The following NDRG1 variants were observed in gnomAD, a reference collection of about 807,000 sequenced individuals.
NDRG1 encodes the protein protein NDRG1.
A neutral mutation model predicts 56.9 loss-of-function variants in NDRG1; 32 were observed. The ratio of observed to expected loss-of-function variants is 0.56; its 90% CI spans 0.42 to 0.76. The LOEUF is 0.76. NDRG1 is among the 30% of genes least tolerant of loss of function. The probability of loss-of-function intolerance (pLI) is 0.00; values close to 1 mark genes in which losing one functional copy is unlikely to be tolerated. For missense variants in NDRG1, 507 were observed against 545.7 expected (o/e 0.93, Z 0.71); for synonymous variants, 211 against 204.1 (o/e 1.03, Z -0.29).
Position 133,248,776 on chromosome 8 carries a change from A to G in NDRG1, c.699-5T>C. On this transcript the variant is annotated splice_polypyrimidine_tract_variant and splice_region_variant and intron_variant, in intron 10 of 15. Transcript: ENST00000323851. ...TCAATCTCCAGGTCGCGCCGGCTGC[A>G]GGAAACAAATGCATCATTAGCATGA... 1.9e-6 allele frequency: 3 copies of G among 1,614,184 alleles called. No homozygotes were observed. The highest frequency in any genetic ancestry group is 2.2e-5 in the East Asian group (1 of 44,874).
intron 7 of NDRG1, among the ~76,000 whole-genome samples, chr8:133,257,730 T>C (rs762258460): frequency 4.6e-5 from 7 of 152,226 alleles, no homozygotes; most frequent in Non-Finnish European, 8.8e-5. Context: ...AGACCATTTT[T>C]AATTTGCTGA....
chr8:133,241,927 G>A (rs1248860667), intron 15 of NDRG1, 96 bp downstream of exon 15: 14 of 1,413,986 alleles, frequency 9.9e-6, no homozygotes, highest in Middle Eastern at 1.8e-4. Context: ...TGGCCAGGGG[G>A]ACACAGAATT....
At chr8:133,266,519 G>T (rs565050619) in intron 3 of NDRG1, among the ~76,000 whole-genome samples, 1 of 152,232 alleles carries the variant, frequency 6.6e-6, no homozygotes, top group South Asian at 2.1e-4. Context: ...TTTAAAACAG[G>T]AACAGCCTGG....
At chr8:133,282,909 T>A (rs910646371) in intron 2 of NDRG1, among the ~76,000 whole-genome samples, 1 of 152,240 alleles carries the variant, frequency 6.6e-6, no homozygotes, top group African/African-American at 2.4e-5. Context: ...GTACCAGCTA[T>A]CTGGATGAAC....
chr8:133,256,461 G>C (rs956901727), intron 8 of NDRG1, among the ~76,000 whole-genome samples: 4 of 152,212 alleles, frequency 2.6e-5, no homozygotes, highest in African/African-American at 9.6e-5. Context: ...CTTGACCAAA[G>C]CCTGGCACAA....
In NDRG1 at chr8:133,258,565, G is replaced by A. The variant is rs1046054789; in HGVS notation, c.390-139C>T. 5 of 816,732 alleles carry A rather than the reference G, an allele frequency of 6.1e-6. No homozygotes were observed. The East Asian group carries it at 1.3e-4, about 22-fold the overall frequency. 50.6% of individuals were successfully genotyped at this position (816,732 alleles called of 1,614,324 possible). A position where few individuals can be genotyped will look rare whatever the true frequency, so the allele number is the denominator to read the frequency against. On this transcript the variant is annotated intron_variant, in intron 6 of 15. Transcript: ENST00000323851. The stretch of plus-strand genomic sequence containing the variant: ...CTGCCGTAACTGCCTGCACAGCTCT[G>A]AGGTCACCATGCTTTAGGACTGGAC...
At chr8:133,291,669 G>C (rs138796050) in intron 1 of NDRG1, among the ~76,000 whole-genome samples, 1 of 152,310 alleles carries the variant, frequency 6.6e-6, no homozygotes, top group Non-Finnish European at 1.5e-5. Flanking sequence ...CAAGGAAACA[G>C]TACAAATGTC....
intron 2 of NDRG1, among the ~76,000 whole-genome samples, chr8:133,282,641 T>C (rs898264796): frequency 1.3e-5 from 2 of 152,206 alleles, no homozygotes; most frequent in African/African-American, 4.8e-5. Context: ...TAGTATACAG[T>C]AGGGGTTGGC....
At chr8:133,240,987 C>A (rs1247868605) in intron 15 of NDRG1, 4 of 152,184 alleles carry the variant, frequency 2.6e-5, no homozygotes, top group Non-Finnish European at 5.9e-5. Context: ...GGATGTGGAT[C>A]CTGCCTGAGC....
intron 2 of NDRG1, 49 bp from the exon 3 acceptor site, chr8:133,280,316 G>C (rs372449835): frequency 6.3e-7 from 1 of 1,591,404 alleles, no homozygotes; most frequent in Admixed American, 1.7e-5. Flanking sequence ...TTCTCTGTAA[G>C]AGAAATAATA....
chr8:133,287,753 C>G (rs1008785132), intron 1 of NDRG1, among the ~76,000 whole-genome samples: 1 of 152,206 alleles, frequency 6.6e-6, no homozygotes, highest in Non-Finnish European at 1.5e-5. Context: ...TGGCCTCTGC[C>G]CACCACATGC....
At chr8:133,275,715 G>A (rs542437210) in intron 3 of NDRG1, among the ~76,000 whole-genome samples, 94 of 152,276 alleles carry the variant, frequency 6.2e-4, no homozygotes, top group African/African-American at 2.1e-3. Context: ...TGAGGAATCG[G>A]GATTGGTTTC....
In NDRG1 at chr8:133,237,690, T is replaced by TGGCCCC; in HGVS notation, c.*1187_*1188insGGGGCC. On this transcript the variant is annotated 3_prime_UTR_variant, in exon 16 of 16. Coordinates refer to ENST00000323851, the MANE Select transcript of NDRG1 (RefSeq NM_006096.4). ...CTCAGCCACCGCTCCCCACGTGAGT[T>TGGCCCC]CCCACCCCCACCCCGACAAGAGCAA... The TGGCCCC allele has an allele frequency of 8.7e-6, 2 of 228,714 alleles. No homozygotes were observed. The highest frequency in any genetic ancestry group is 2.2e-5 in the African/African-American group (1 of 44,960). The allele number at this position is 228,714 out of a possible 1,614,324, so 14.2% of individuals were successfully genotyped here. A position where few individuals can be genotyped will look rare whatever the true frequency, so the allele number is the denominator to read the frequency against.
intron 3 of NDRG1, among the ~76,000 whole-genome samples, chr8:133,267,520 C>T (rs936382367): frequency 2.0e-5 from 3 of 152,200 alleles, no homozygotes; most frequent in African/African-American, 7.2e-5. Flanking sequence ...CTTTCCTGCC[C>T]ATAACAGGCA....
intron 13 of NDRG1, among the ~76,000 whole-genome samples, chr8:133,245,664 C>T (rs1855632703): frequency 6.6e-6 from 1 of 152,148 alleles, no homozygotes; most frequent in Non-Finnish European, 1.5e-5. Context: ...GCCCTGCCCA[C>T]ACCTTGATTT....
chr8:133,239,005 CGGCTTCGGGTGCCCTCGCTGG>C lies in NDRG1; in HGVS notation c.1037_1057del (p.Thr346_Arg353delinsSer). ...GCGGGTGCCCTCGCTGGTGTGGGAGCGGCTTCGGGTGCCCTCGCTGGTGTGGGAGCGGCTGCGGGTGCCATC... is the reference window on the plus strand; with the variant it reads ...GCGGGTGCCCTCGCTGGTGTGGGAGCTGTGGGAGCGGCTGCGGGTGCCATC... On this transcript the variant is annotated inframe_deletion, in exon 16 of 16. Transcript: ENST00000323851. 1 of 1,596,484 alleles carries C rather than the reference CGGCTTCGGGTGCCCTCGCTGG, an allele frequency of 6.3e-7. No individual in the cohort carries two copies. The highest frequency in any genetic ancestry group is 1.7e-4 in the Middle Eastern group (1 of 5,958).
Position 133,238,909 on chromosome 8 carries a change from G to A in NDRG1, c.1154C>T (p.Ala385Val). 5 of 1,559,064 alleles carry A rather than the reference G, an allele frequency of 3.2e-6. No individual in the cohort carries two copies. Among genetic ancestry groups the A allele is most frequent in the Non-Finnish European group, 4.3e-6 (5 of 1,152,138 alleles). ...TPNSGAAGNS[A>V]GPKSMEVSC The stretch of plus-strand genomic sequence containing the variant: ...GGAGACCTCCATGGACTTGGGCCCG[G>A]CGCTGTTCCCAGCAGCACCCGAGTT... The change falls in exon 16 of 16, where the codon GCC becomes GTC. Residue 385 changes from alanine to valine, a missense_variant. Transcript: ENST00000323851.
intron 14 of NDRG1, among the ~76,000 whole-genome samples, chr8:133,244,055 T>C (rs1855530405): frequency 6.6e-6 from 1 of 152,254 alleles, no homozygotes; most frequent in African/African-American, 2.4e-5. Flanking sequence ...CTTGCGGCCC[T>C]TCACTCCAGC....
chr8:133,252,873 G>C (rs1418065186), intron 9 of NDRG1, among the ~76,000 whole-genome samples: 10 of 107,934 alleles, frequency 9.3e-5, no homozygotes, highest in South Asian at 3.3e-4. Context: ...GGCCTCTATT[G>C]CCCTCGTACA....
Sources: allele counts gnomAD v4.1 joint callset (sites outside exome capture counted in the v4.1 genomes callset), GRCh38; gene constraint gnomAD v4.1.1; transcripts MANE v1.5; gene names NCBI Gene and HGNC (gene_info 2026-07-23, HGNC 2026-07-21).